KCNK10: variants seen among roughly 807,000 people sequenced by gnomAD.
The protein encoded by KCNK10 is potassium two pore domain channel subfamily K member 10, also known as potassium channel subfamily K member 10.
Under a neutral mutation model 47.7 loss-of-function variants are expected in KCNK10, and 25 were observed. That is an observed-to-expected ratio of 0.52 (90% CI 0.38 to 0.73). The LOEUF is 0.73. KCNK10 is among the 30% of genes least tolerant of loss of function. KCNK10 has a pLI of 0.00. For missense variants in KCNK10, 563 were observed against 714.5 expected (o/e 0.79, Z 2.42); for synonymous variants, 303 against 285.6 (o/e 1.06, Z -0.61).
intron 4 of KCNK10, among the ~76,000 whole-genome samples, chr14:88,209,674 C>A (rs1714704495): frequency 6.6e-6 from 1 of 152,192 alleles, no homozygotes; most frequent in African/African-American, 2.4e-5. Context: ...TTTCTGGGGC[C>A]CCCTCCACTT....
At chr14:88,237,549 G>C (rs76758762) in intron 3 of KCNK10, among the ~76,000 whole-genome samples, 1 of 152,264 alleles carries the variant, frequency 6.6e-6, no homozygotes, top group East Asian at 1.9e-4. Flanking sequence ...TAAATAATAA[G>C]AGTTCAAAGT....
At chr14:88,312,010 A>G (rs1169064600) in intron 1 of KCNK10, among the ~76,000 whole-genome samples, 1 of 152,112 alleles carries the variant, frequency 6.6e-6, no homozygotes, top group Non-Finnish European at 1.5e-5. Flanking sequence ...GGCCCCAGGC[A>G]TCTCCATTCA....
At chr14:88,206,043 G>A (rs926423027) in intron 4 of KCNK10, among the ~76,000 whole-genome samples, 1 of 152,192 alleles carries the variant, frequency 6.6e-6, no homozygotes, top group African/African-American at 2.4e-5. Flanking sequence ...ACACACATAT[G>A]CATATAATAA....
At chr14:88,232,100 T>C (rs1886174663) in intron 3 of KCNK10, among the ~76,000 whole-genome samples, 1 of 152,160 alleles carries the variant, frequency 6.6e-6, no homozygotes, top group South Asian at 2.1e-4. Context: ...CAACCAGAGA[T>C]GAAGACCACA....
At chr14:88,214,698 G>A (rs1885564864) in intron 4 of KCNK10, among the ~76,000 whole-genome samples, 1 of 152,182 alleles carries the variant, frequency 6.6e-6, no homozygotes. Flanking sequence ...CTAATAATGA[G>A]CTGGTATTAG....
At chr14:88,187,625 A>ACCCCC in intron 6 of KCNK10, among the ~76,000 whole-genome samples, 1 of 74,240 alleles carries the variant, frequency 1.3e-5, no homozygotes, top group African/African-American at 3.2e-5. Context: ...GACAGGCTGC[A>ACCCCC]CCCCCCCACA....
At chr14:88,244,892 G>A (rs115306372) in intron 2 of KCNK10, among the ~76,000 whole-genome samples, 3,241 of 152,244 alleles carry the variant, frequency 0.021, 104 homozygotes, top group African/African-American at 0.074. Flanking sequence ...CAAGTTCAGA[G>A]AGATCTTACA....
intron 4 of KCNK10, among the ~76,000 whole-genome samples, chr14:88,202,127 G>A (rs1346952478): frequency 6.6e-6 from 1 of 152,134 alleles, no homozygotes; most frequent in Non-Finnish European, 1.5e-5. Flanking sequence ...AGATCTCCAG[G>A]CCTCCTGATG....
chr14:88,323,086 A>C lies in KCNK10; in HGVS notation c.-288T>G. ...AGGGGTGGATGAAAGGATGGAGAGG[A>C]AGGCTTGGGGAGATGGAAGAGCCAA... On this transcript the variant is annotated 5_prime_UTR_variant, in exon 1 of 7. Transcript: ENST00000319231. The C allele has an allele frequency of 8.0e-7, 1 of 1,251,270 alleles. No individual in the cohort carries two copies. The allele number at this position is 1,251,270 out of a possible 1,614,324, so 77.5% of individuals were successfully genotyped here.
intron 2 of KCNK10, among the ~76,000 whole-genome samples, chr14:88,249,107 T>TA (rs965803810): frequency 4.6e-5 from 7 of 151,746 alleles, no homozygotes; most frequent in Admixed American, 2.6e-4. Flanking sequence ...TTCTTCCAAC[T>TA]AAAAAAAAGG....
At chr14:88,254,409 C>T (rs1269929239) in intron 2 of KCNK10, among the ~76,000 whole-genome samples, 2 of 152,120 alleles carry the variant, frequency 1.3e-5, no homozygotes, top group African/African-American at 2.4e-5. Flanking sequence ...TTCCCTTCAG[C>T]GAGGCTATGA....
At chr14:88,309,022 T>C (rs1888258216) in intron 1 of KCNK10, among the ~76,000 whole-genome samples, 1 of 152,246 alleles carries the variant, frequency 6.6e-6, no homozygotes, top group Non-Finnish European at 1.5e-5. Context: ...TGAGAGATGC[T>C]AAGCCTTGGC....
intron 4 of KCNK10, among the ~76,000 whole-genome samples, chr14:88,202,550 T>A (rs1885134899): frequency 6.6e-6 from 1 of 152,156 alleles, no homozygotes; most frequent in South Asian, 2.1e-4. Flanking sequence ...GAAGTAGTCA[T>A]CTAAGAGTCC....
chr14:88,317,972 T>C (rs1003662036), intron 1 of KCNK10, among the ~76,000 whole-genome samples: 14 of 152,232 alleles, frequency 9.2e-5, no homozygotes, highest in East Asian at 1.9e-4. Flanking sequence ...AAATTATTTA[T>C]TGGACACTGA....
chr14:88,236,264 C>T (rs962119142), intron 3 of KCNK10, among the ~76,000 whole-genome samples: 1 of 151,560 alleles, frequency 6.6e-6, no homozygotes, highest in East Asian at 1.9e-4. Flanking sequence ...CTGCAGTGAG[C>T]TATGTTCATA....
chr14:88,196,270 A>G (rs1884910653), intron 4 of KCNK10, among the ~76,000 whole-genome samples: 1 of 152,214 alleles, frequency 6.6e-6, no homozygotes, highest in African/African-American at 2.4e-5. Context: ...CAATTGTTCC[A>G]AAGACCAAGT....
rs145424895 is a variant in KCNK10, at chr14:88,280,455, C to T, written c.53-16904G>A. ...GTAATCCCTACCTACATGCTGATGG[C>T]TCCCAGGTCTATACACCCAGACCCA... On this transcript the variant is annotated intron_variant, in intron 1 of 6. Coordinates refer to ENST00000319231, the MANE Select transcript of KCNK10 (RefSeq NM_138317.3). Among the ~76,000 whole-genome samples, 267 of 152,272 alleles carry T rather than the reference C, an allele frequency of 1.8e-3. 1 individual carries two copies. Among genetic ancestry groups the T allele is most frequent in the African/African-American group, 5.8e-3 (239 of 41,554 alleles).
intron 3 of KCNK10, among the ~76,000 whole-genome samples, chr14:88,228,575 C>T (rs1886061421): frequency 6.6e-6 from 1 of 152,220 alleles, no homozygotes; most frequent in Non-Finnish European, 1.5e-5. Context: ...CATGTGGGGC[C>T]TGTTTCTGAA....
At chr14:88,212,466 T>C (rs1054350321) in intron 4 of KCNK10, among the ~76,000 whole-genome samples, 4 of 151,856 alleles carry the variant, frequency 2.6e-5, no homozygotes, top group Non-Finnish European at 5.9e-5. Context: ...AAAGATACTA[T>C]AGATACTATG....
Sources: allele counts gnomAD v4.1 joint callset (sites outside exome capture counted in the v4.1 genomes callset), GRCh38; gene constraint gnomAD v4.1.1; transcripts MANE v1.5; gene names NCBI Gene and HGNC (gene_info 2026-07-23, HGNC 2026-07-21).